Variants in CD163L1 observed in about 807,000 individuals in gnomAD.
The protein encoded by CD163L1 is CD163 molecule like 1, also known as scavenger receptor cysteine-rich type 1 protein M160.
Under a neutral mutation model 165.4 loss-of-function variants are expected in CD163L1, and 124 were observed. That is an observed-to-expected ratio of 0.75 (90% CI 0.65 to 0.87). CD163L1 has a LOEUF of 0.87. CD163L1 is among the 40% of genes least tolerant of loss of function. The probability of loss-of-function intolerance (pLI) is 0.00; values close to 1 mark genes in which losing one functional copy is unlikely to be tolerated. For missense variants in CD163L1, 1,525 were observed against 1,799.9 expected, an observed-to-expected ratio of 0.85 and a Z score of 2.76; for synonymous variants, 585 against 662.2, an observed-to-expected ratio of 0.88 and a Z score of 1.79.
At chr12:7,386,080 C>G (rs1225160946) in intron 8 of CD163L1, among the ~76,000 whole-genome samples, 1 of 151,856 alleles carries the variant, frequency 6.6e-6, no homozygotes, top group Non-Finnish European at 1.5e-5. Context: ...AAAGATCAAA[C>G]TTTTGCTAAA....
chr12:7,328,536 A>G, the CD163L1 span: 1 of 432,610 alleles, frequency 2.3e-6, no homozygotes, highest in Admixed American at 4.4e-5. Flanking sequence ...GTTTAAAAGT[A>G]AATAAAAGCC....
the CD163L1 span, among the ~76,000 whole-genome samples, chr12:7,329,651 A>G: frequency 6.6e-6 from 1 of 152,054 alleles, no homozygotes; most frequent in Non-Finnish European, 1.5e-5. Flanking sequence ...TTTTTAAAAG[A>G]AAAACCTAAA....
intron 4 of CD163L1, among the ~76,000 whole-genome samples, chr12:7,414,275 T>C (rs1948194848): frequency 6.6e-6 from 1 of 151,816 alleles, no homozygotes; most frequent in Non-Finnish European, 1.5e-5. Context: ...ATAGAAACAA[T>C]TGAAAACAAT....
the CD163L1 span, among the ~76,000 whole-genome samples, chr12:7,329,124 ATATATACATC>A: frequency 6.7e-6 from 1 of 148,526 alleles, no homozygotes; most frequent in African/African-American, 2.4e-5. Context: ...ATATATACAC[ATATATACATC>A]TATATACATA....
chr12:7,327,187 C>T, the CD163L1 span: 2 of 1,379,064 alleles, frequency 1.5e-6, no homozygotes, highest in Admixed American at 2.7e-5. Flanking sequence ...TTTATAGTAG[C>T]TCATTATATA....
At chr12:7,328,212 C>G in the CD163L1 span, 6 of 1,160,424 alleles carry the variant, frequency 5.2e-6, no homozygotes, top group Non-Finnish European at 7.4e-6. Context: ...GAGTTCCATG[C>G]AAGCTCCTTC....
the CD163L1 span, chr12:7,323,707 AC>A: frequency 1.4e-6 from 1 of 713,342 alleles, no homozygotes; most frequent in Non-Finnish European, 2.3e-6. Context: ...ACCCAAGAGT[AC>A]TGTAAAGATG....
intron 14 of CD163L1, among the ~76,000 whole-genome samples, chr12:7,370,646 C>T (rs749641504): frequency 2.2e-4 from 33 of 152,260 alleles, no homozygotes; most frequent in Admixed American, 4.6e-4. Flanking sequence ...ATAACTTTCA[C>T]ATGCACCCTT....
chr12:7,335,277 C>A, the CD163L1 span, among the ~76,000 whole-genome samples: 2 of 152,204 alleles, frequency 1.3e-5, no homozygotes, highest in Non-Finnish European at 2.9e-5. Flanking sequence ...CAGCATGGTA[C>A]TGGTACCAAA....
chr12:7,359,602 T>C (rs1230342840), intron 18 of CD163L1, among the ~76,000 whole-genome samples: 1 of 151,992 alleles, frequency 6.6e-6, no homozygotes, highest in South Asian at 2.1e-4. Flanking sequence ...TTGCAAAAAA[T>C]TATACAAGAA....
chr12:7,322,240 C>T, the CD163L1 span, among the ~76,000 whole-genome samples: 5 of 152,138 alleles, frequency 3.3e-5, no homozygotes, highest in Non-Finnish European at 7.3e-5. Context: ...AATGTGCCCC[C>T]ATATGCCTAG....
intron 6 of CD163L1, among the ~76,000 whole-genome samples, chr12:7,399,430 T>TCTTTCCTTCCTTC (rs1947861116): frequency 7.1e-5 from 2 of 28,226 alleles, no homozygotes; most frequent in Admixed American, 3.2e-4. Context: ...CCTCCCCCAT[T>TCTTTCCTTCCTTC]CTTCTTCTTC....
In CD163L1 at chr12:7,439,055, AG is replaced by A; in HGVS notation, c.124+2098del. 2.5e-6 allele frequency: 4 copies of A among 1,589,240 alleles called. No homozygotes were observed. The African/African-American group carries it at 4.1e-5, about 16-fold the overall frequency. On this transcript the variant is annotated intron_variant, in intron 2 of 19. Coordinates refer to ENST00000313599, the MANE Select transcript of CD163L1 (RefSeq NM_174941.6). ...CTCCTCAGCACTCATGGCACTGTCT[AG>A]GGGCTTCTCAAAGCCATGCTCCAGC...
rs767929163 is a variant in CD163L1, at chr12:7,367,428, C to T, written c.4184-97G>A. 9 of 671,424 alleles carry T rather than the reference C, an allele frequency of 1.3e-5. No individual in the cohort carries two copies. In the African/African-American group the frequency reaches 1.6e-4, roughly 12 times the overall value. The allele number at this position is 671,424 out of a possible 1,614,324, so 41.6% of individuals were successfully genotyped here. ...TAAGGTTTGACACATATTAATCCCT[C>T]TGAGCTAAAATCCAATGGCTCTTTC... is the stretch of plus-strand genomic sequence containing the variant. On this transcript the variant is annotated intron_variant, in intron 17 of 19. Coordinates refer to ENST00000313599, the MANE Select transcript of CD163L1 (RefSeq NM_174941.6).
rs149404188 is a variant in CD163L1, at chr12:7,396,347, A to G, written c.1798T>C (p.Phe600Leu). Reference protein sequence around the residue: ...NRCSGRLEVYFQGRWGTVCDD... With the variant: ...NRCSGRLEVYLQGRWGTVCDD... ...CACACTGTGCCCCACCGTCCTTGAA[A>G]GTACACCTCCAGTCTTCCCGAGCAG... is the stretch of plus-strand genomic sequence containing the variant. The change falls in exon 8 of 20, where the codon TTT (phenylalanine) becomes CTT (leucine). Residue 600 changes from phenylalanine (F) to leucine (L), a missense_variant. Physicochemically the swap from Phe to Leu is conservative, Grantham distance 22. Coordinates refer to ENST00000313599, the MANE Select transcript of CD163L1 (RefSeq NM_174941.6). The G allele has an allele frequency of 1.5e-4, 250 of 1,613,940 alleles. 1 individual carries two copies. The East Asian group carries it at 3.1e-3, about 20-fold the overall frequency.
At chr12:7,322,327 T>C in the CD163L1 span, 2 of 1,563,438 alleles carry the variant, frequency 1.3e-6, no homozygotes, top group Admixed American at 3.3e-5. Flanking sequence ...CTCTCCTAGC[T>C]GCTATGCTTA....
At chr12:7,437,227 A>G (rs1162780308) in intron 2 of CD163L1, among the ~76,000 whole-genome samples, 3 of 27,180 alleles carry the variant, frequency 1.1e-4, no homozygotes, top group Non-Finnish European at 1.7e-4. Context: ...ATAGTATTTA[A>G]AAGTATTTAC....
the CD163L1 span, among the ~76,000 whole-genome samples, chr12:7,336,701 AAACATTCCATGC>A: frequency 6.6e-5 from 10 of 152,100 alleles, no homozygotes; most frequent in Admixed American, 6.6e-4. Context: ...ACAAATGGAA[AAACATTCCATGC>A]TCATGCATAG....
chr12:7,406,485 C>CA (rs774341307), intron 5 of CD163L1, 47 bp downstream of exon 5: 40 of 1,581,436 alleles, frequency 2.5e-5, no homozygotes, highest in Non-Finnish European at 3.3e-5. Context: ...CCTAGTTCTC[C>CA]AAAAAAGAAA....
Sources: gnomAD v4.1 joint callset for allele counts (sites outside exome capture counted in the v4.1 genomes callset) on GRCh38, gnomAD v4.1.1 for gene constraint, MANE v1.5 for transcripts, NCBI Gene and HGNC (gene_info 2026-07-23, HGNC 2026-07-21) for gene names.